LY75: variants seen among roughly 807,000 people sequenced by gnomAD.
The protein encoded by LY75 is C-type lectin domain family 13 member B.
A neutral mutation model predicts 231.7 loss-of-function variants in LY75; 185 were observed. That is an observed-to-expected ratio of 0.80 (90% CI 0.71 to 0.90). The LOEUF (loss-of-function observed/expected upper bound fraction) is 0.90. Ranked by LOEUF, LY75 falls within the 40% of genes least tolerant of loss-of-function variation. The probability of loss-of-function intolerance (pLI) is 0.00; values close to 1 mark genes in which losing one functional copy is unlikely to be tolerated. For missense variants in LY75, 1,947 were observed against 2,050.2 expected (o/e 0.95, Z 0.97); for synonymous variants, 668 against 689.0 (o/e 0.97, Z 0.48).
intron 18 of LY75, 80 bp from the exon 19 acceptor site, chr2:159,853,777 T>C: frequency 1.9e-6 from 3 of 1,577,600 alleles, no homozygotes; most frequent in Non-Finnish European, 2.6e-6. Context: ...TGTCTTACTA[T>C]AATCACTAAC....
At chr2:159,828,513 T>TA (rs1683548720) in intron 28 of LY75, among the ~76,000 whole-genome samples, 2 of 152,172 alleles carry the variant, frequency 1.3e-5, no homozygotes, top group Non-Finnish European at 2.9e-5. Flanking sequence ...TTGGCATCGA[T>TA]ACGGAGAAAT....
chr2:159,837,185 C>T (rs533906161), intron 25 of LY75, among the ~76,000 whole-genome samples: 18 of 152,276 alleles, frequency 1.2e-4, no homozygotes, highest in South Asian at 2.1e-4. Flanking sequence ...AATACACCTG[C>T]GCTCATATGT....
intron 1 of LY75, 74 bp from the exon 2 acceptor site, chr2:159,899,133 T>A (rs904391412): frequency 3.2e-6 from 5 of 1,554,924 alleles, no homozygotes; most frequent in Non-Finnish European, 4.3e-6. Flanking sequence ...GAGGAGAGTC[T>A]GAGCACTACT....
rs546805856 is a variant in LY75, at chr2:159,846,386, G to A, written c.3150+3594C>T. On this transcript the variant is annotated intron_variant, in intron 23 of 34. Transcript: ENST00000263636. ...CAAAAAAATTAGAAAATGTAGCTGCGCATGGTGGTGCGCTCCTGCAGTCCT... is the reference window on the plus strand; with the variant it reads ...CAAAAAAATTAGAAAATGTAGCTGCACATGGTGGTGCGCTCCTGCAGTCCT... 2.1e-4 allele frequency among the ~76,000 whole-genome samples: 32 copies of A among 152,134 alleles called. No homozygotes were observed. The South Asian group carries it at 2.9e-3, about 14-fold the overall frequency.
chr2:159,834,215 GAA>G lies in LY75; in HGVS notation c.3674-6_3674-5del. On this transcript the variant is annotated splice_polypyrimidine_tract_variant and splice_region_variant and intron_variant, in intron 26 of 34. Transcript: ENST00000263636. ...TTGACCTCTTTTTCAGTCTCATCTA[GAA>G]AAAGAGTTAATGGTAAGAATTCTAA... 1 of 1,612,966 alleles carries G rather than the reference GAA, an allele frequency of 6.2e-7. No homozygotes were observed. Among genetic ancestry groups the G allele is most frequent in the East Asian group, 2.2e-5 (1 of 44,826 alleles).
chr2:159,840,387 T>A (rs1055068954), intron 25 of LY75, among the ~76,000 whole-genome samples: 1 of 151,962 alleles, frequency 6.6e-6, no homozygotes, highest in African/African-American at 2.4e-5. Context: ...GCTTGGGCAA[T>A]ATGGCAAAAC....
intron 30 of LY75, 139 bp downstream of exon 30, chr2:159,816,667 G>A (rs777043947): frequency 2.3e-5 from 30 of 1,280,440 alleles, no homozygotes; most frequent in Non-Finnish European, 3.1e-5. Context: ...GTTGTAAAAG[G>A]TAAGAAAGCA....
intron 21 of LY75, 161 bp from the exon 22 acceptor site, chr2:159,850,628 A>T (rs1382094517): frequency 1.4e-5 from 7 of 505,266 alleles, no homozygotes; most frequent in Non-Finnish European, 1.8e-5. Flanking sequence ...GCTCTCATTA[A>T]TTATTTAATT....
At chr2:159,872,860 G>A (rs747812041) in intron 12 of LY75, among the ~76,000 whole-genome samples, 7 of 152,126 alleles carry the variant, frequency 4.6e-5, no homozygotes, top group African/African-American at 9.7e-5. Context: ...CAAGATCCAC[G>A]TTCTCCTGTA....
intron 32 of LY75, 30 bp downstream of exon 32, chr2:159,810,496 T>G: frequency 6.3e-7 from 1 of 1,599,716 alleles, no homozygotes; most frequent in Admixed American, 1.8e-5. Context: ...AATTATTGAG[T>G]CATAAGAAAA....
intron 24 of LY75, 47 bp from the exon 25 acceptor site, chr2:159,841,002 T>A (rs1285319624): frequency 1.3e-6 from 2 of 1,596,292 alleles, no homozygotes; most frequent in Non-Finnish European, 1.7e-6. Flanking sequence ...TTCCCCACAC[T>A]CTGCAAGTTA....
At chr2:159,822,461 G>C (rs557576629) in intron 28 of LY75, among the ~76,000 whole-genome samples, 31 of 152,374 alleles carry the variant, frequency 2.0e-4, no homozygotes, top group African/African-American at 6.5e-4. Context: ...AGCTCAGCAA[G>C]GTTGCTGTGG....
intron 25 of LY75, among the ~76,000 whole-genome samples, chr2:159,838,500 T>C (rs1025864046): frequency 2.0e-5 from 3 of 152,192 alleles, no homozygotes; most frequent in Non-Finnish European, 4.4e-5. Context: ...GATTGAATCA[T>C]GTTTATTTTT....
In LY75 at chr2:159,880,206, A is replaced by G. The variant is rs60052077; in HGVS notation, c.1405-837T>C. 4.4e-3 allele frequency among the ~76,000 whole-genome samples: 676 copies of G among 152,350 alleles called. 7 individuals are homozygous for G. Among genetic ancestry groups the G allele is most frequent in the African/African-American group, 0.016 (657 of 41,580 alleles). On this transcript the variant is annotated intron_variant, in intron 8 of 34. Coordinates refer to ENST00000263636, the MANE Select transcript of LY75 (RefSeq NM_002349.4). ...CCAATTAGGGGTCCACAGGAAAGTGATACAAACAAAACGTAGAGGTACATA... is the reference window on the plus strand; with the variant it reads ...CCAATTAGGGGTCCACAGGAAAGTGGTACAAACAAAACGTAGAGGTACATA...
At chr2:159,874,075 T>C (rs1257686870) in intron 12 of LY75, among the ~76,000 whole-genome samples, 1 of 50,638 alleles carries the variant, frequency 2.0e-5, no homozygotes, top group Non-Finnish European at 4.4e-5. Flanking sequence ...TTTGTAAAAA[T>C]ATATAAACGT....
intron 10 of LY75, 35 bp downstream of exon 10, chr2:159,878,598 A>C: frequency 1.2e-6 from 2 of 1,613,594 alleles, no homozygotes; most frequent in Non-Finnish European, 1.7e-6. Flanking sequence ...TTCAGAGTTG[A>C]AAGTTTATGA....
chr2:159,810,349 A>G (rs1682922472), intron 32 of LY75, among the ~76,000 whole-genome samples, 177 bp downstream of exon 32: 1 of 152,194 alleles, frequency 6.6e-6, no homozygotes, highest in Admixed American at 6.5e-5. Context: ...TTGAGTTCCT[A>G]TGTCATCAGA....
At chr2:159,892,141 G>T (rs1317367615) in intron 3 of LY75, among the ~76,000 whole-genome samples, 1 of 152,106 alleles carries the variant, frequency 6.6e-6, no homozygotes, top group Non-Finnish European at 1.5e-5. Flanking sequence ...CAGAATCTCT[G>T]GGCCCTAGAT....
chr2:159,898,794 C>G lies in LY75; in HGVS notation c.360G>C (p.Arg120=), dbSNP rs1368071314. The change falls in exon 2 of 35, where the codon CGG becomes CGC. Residue 120 remains arginine, a synonymous_variant. Coordinates refer to ENST00000263636, the MANE Select transcript of LY75 (RefSeq NM_002349.4). ...CEHHSLYGAA[R]YRLALKDGHG... ...GTCCATCCTTCAGAGCCAGCCGGTA[C>G]CGGGCAGCTCCGTACAGAGAGTGGT... is the stretch of plus-strand genomic sequence containing the variant. 1.2e-6 allele frequency: 2 copies of G among 1,614,226 alleles called. No individual in the cohort carries two copies. The highest frequency in any genetic ancestry group is 1.7e-6 in the Non-Finnish European group (2 of 1,180,030).
Sources: gnomAD v4.1 joint callset for allele counts (sites outside exome capture counted in the v4.1 genomes callset) on GRCh38, gnomAD v4.1.1 for gene constraint, MANE v1.5 for transcripts, NCBI Gene and HGNC (gene_info 2026-07-23, HGNC 2026-07-21) for gene names.